The following GRK2 variants were observed in gnomAD, a reference collection of about 807,000 sequenced individuals.
GRK2 encodes G protein-coupled receptor kinase 2, also known as adrenergic beta receptor kinase 1.
Under a neutral mutation model 97.8 loss-of-function variants are expected in GRK2, and 23 were observed. That is an observed-to-expected ratio of 0.24 (90% CI 0.17 to 0.33). The LOEUF is 0.33. Ranked by LOEUF, GRK2 falls within the 10% of genes least tolerant of loss-of-function variation. GRK2 has a pLI of 1.00. For missense variants in GRK2, 633 were observed against 956.9 expected, an observed-to-expected ratio of 0.66 and a Z score of 4.47; for synonymous variants, 425 against 381.7, an observed-to-expected ratio of 1.11 and a Z score of -1.32.
Position 67,285,709 on chromosome 11 carries a change from G to A in GRK2, c.*259G>A, listed in dbSNP as rs893873622. 1.2e-5 allele frequency: 6 copies of A among 503,050 alleles called. No homozygotes were observed. The highest frequency in any genetic ancestry group is 6.6e-5 in the East Asian group (2 of 30,130). 31.2% of individuals were successfully genotyped at this position (503,050 alleles called of 1,614,324 possible). A position where few individuals can be genotyped will look rare whatever the true frequency, so the allele number is the denominator to read the frequency against. ...TGTGGGGGAAGAGCACAGCCCTCCC[G>A]CCCCTTCCCCGAGGGATGATGCCAC... On this transcript the variant is annotated 3_prime_UTR_variant, in exon 21 of 21. Coordinates refer to ENST00000308595, the MANE Select transcript of GRK2 (RefSeq NM_001619.5).
At chr11:67,267,278 C>T (rs1335461931) in intron 1 of GRK2, among the ~76,000 whole-genome samples, 3 of 152,244 alleles carry the variant, frequency 2.0e-5, no homozygotes, top group African/African-American at 7.2e-5. Context: ...TTTGCTGTCC[C>T]TGCTCACGGC....
chr11:67,274,649 C>T (rs1321878901), intron 1 of GRK2, among the ~76,000 whole-genome samples: 5 of 151,690 alleles, frequency 3.3e-5, no homozygotes, highest in East Asian at 3.9e-4. Flanking sequence ...CCCTGAGGGT[C>T]GCCCAGGGCC....
At chr11:67,279,117 G>C in intron 2 of GRK2, 83 bp from the exon 3 acceptor site, 1 of 1,240,046 alleles carries the variant, frequency 8.1e-7, no homozygotes, top group Non-Finnish European at 1.2e-6. Flanking sequence ...GTTCTGCCCA[G>C]GGAGCCCAAC....
At chr11:67,267,327 C>T (rs942758462) in intron 1 of GRK2, among the ~76,000 whole-genome samples, 1 of 152,262 alleles carries the variant, frequency 6.6e-6, no homozygotes, top group Non-Finnish European at 1.5e-5. Flanking sequence ...CCCGTCTCTC[C>T]TCCAGTCTAC....
At chr11:67,280,929 G>C (rs547357530) in intron 7 of GRK2, 146 bp downstream of exon 7, 1 of 1,162,422 alleles carries the variant, frequency 8.6e-7, no homozygotes, top group Admixed American at 1.8e-5. Flanking sequence ...GTCAGGGCCG[G>C]GATCCCAGCA....
intron 6 of GRK2, 91 bp downstream of exon 6, chr11:67,279,991 C>T: frequency 7.5e-7 from 1 of 1,330,640 alleles, no homozygotes; most frequent in Non-Finnish European, 1.1e-6. Context: ...AGCCAGCCTT[C>T]ATTAGGCCCT....
In GRK2 at chr11:67,282,732, T is replaced by C. The variant is rs1200764061; in HGVS notation, c.1161-20T>C. ...CCCATTCCTGTCCTTTGACATTGGT[T>C]TTTGGCCTTTCTTGCCCAGGCACAG... is the stretch of plus-strand genomic sequence containing the variant. On this transcript the variant is annotated intron_variant, in intron 13 of 20. Transcript: ENST00000308595. The surrounding 1 kb of genome is among the most constrained non-coding windows in gnomAD (Gnocchi z 6.9). The C allele has an allele frequency of 3.7e-6, 6 of 1,610,900 alleles. No homozygotes were observed. The highest frequency in any genetic ancestry group is 5.1e-6 in the Non-Finnish European group (6 of 1,179,338).
At chr11:67,280,124 G>GCC (rs1317757724) in intron 6 of GRK2, 1 of 578,902 alleles carries the variant, frequency 1.7e-6, no homozygotes, top group Non-Finnish European at 3.1e-6. Context: ...CCCATCCCAG[G>GCC]CAGTCTCCTA....
rs375195634 is a variant in GRK2, at chr11:67,282,773, C to A, written c.1182C>A (p.His394Gln). ...CCAGGCACAGCCCCTTCCGGCAGCA[C>A]AAGACCAAAGACAAGCATGAGATCG... The part of the protein sequence containing the change: ...LLRGHSPFRQ[H>Q]KTKDKHEIDR... Residue 394 changes from histidine to glutamine, a missense_variant, in exon 14 of 21, where the codon CAC becomes CAA. By Grantham distance (24) the His-to-Gln change is conservative (BLOSUM62 0). Coordinates refer to ENST00000308595, the MANE Select transcript of GRK2 (RefSeq NM_001619.5). The surrounding 1 kb of genome is among the most constrained non-coding windows in gnomAD (Gnocchi z 6.9). 6.2e-7 allele frequency: 1 copy of A among 1,611,312 alleles called. No homozygotes were observed. The highest frequency in any genetic ancestry group is 8.5e-7 in the Non-Finnish European group (1 of 1,179,854).
chr11:67,277,549 C>T (rs895838169), intron 2 of GRK2, among the ~76,000 whole-genome samples: 2 of 152,226 alleles, frequency 1.3e-5, no homozygotes, highest in Non-Finnish European at 2.9e-5. Flanking sequence ...CAGGGAGCCC[C>T]GTGGTGGGGG....
intron 2 of GRK2, among the ~76,000 whole-genome samples, chr11:67,277,710 T>A (rs1447724606): frequency 6.6e-6 from 1 of 152,246 alleles, no homozygotes; most frequent in Non-Finnish European, 1.5e-5. Flanking sequence ...CTGTGGCGCC[T>A]GCCGAGCTGT....
chr11:67,278,858 G>C (rs1290200852), intron 2 of GRK2, among the ~76,000 whole-genome samples: 1 of 152,212 alleles, frequency 6.6e-6, no homozygotes, highest in Non-Finnish European at 1.5e-5. Context: ...AGGGCCCTGG[G>C]CTGCAGTGAG....
At position 67,286,422 on chromosome 11, in the gene GRK2, T is replaced by TCCC; in HGVS notation, c.*977_*979dup. On this transcript the variant is annotated 3_prime_UTR_variant, in exon 21 of 21. Coordinates refer to ENST00000308595, the MANE Select transcript of GRK2 (RefSeq NM_001619.5). ...GCTGCCTGTGTGGTGTCGCGCCTTC[T>TCCC]CCCCCCCGGGGCTGGGTTGGCGCAC... 1 of 698,762 alleles carries TCCC rather than the reference T, an allele frequency of 1.4e-6. No homozygotes were observed. The highest frequency in any genetic ancestry group is 2.0e-5 in the Admixed American group (1 of 49,156). The allele number at this position is 698,762 out of a possible 1,614,324, so 43.3% of individuals were successfully genotyped here. A position where few individuals can be genotyped will look rare whatever the true frequency, so the allele number is the denominator to read the frequency against.
At chr11:67,275,115 C>T (rs955107979) in intron 1 of GRK2, among the ~76,000 whole-genome samples, 3 of 152,176 alleles carry the variant, frequency 2.0e-5, no homozygotes, top group Non-Finnish European at 4.4e-5. Context: ...CAGGGGGTCG[C>T]GGCCTTGGAA....
rs559890842 is a variant in GRK2, at chr11:67,280,192, A to T, written c.503+292A>T. On this transcript the variant is annotated intron_variant, in intron 6 of 20. Transcript: ENST00000308595. ...TGCCTCTTTCTCTCCCGTGGGCTGT[A>T]TAGCACCTTGCTGGCCCACCTGGAC... 16 of 483,416 alleles carry T rather than the reference A, an allele frequency of 3.3e-5. No individual in the cohort carries two copies. In the East Asian group the frequency reaches 5.0e-4, roughly 15 times the overall value. The allele number at this position is 483,416 out of a possible 1,614,324, so 29.9% of individuals were successfully genotyped here.
Position 67,282,761 on chromosome 11 carries a change from C to A in GRK2, c.1170C>A (p.Pro390=). Residue 390 remains proline, a synonymous_variant, in exon 14 of 21, where the codon CCC becomes CCA. Transcript: ENST00000308595. This position sits in a 1 kb window ranked among gnomAD's most constrained non-coding sequence, Gnocchi z 6.9. The part of the protein sequence containing the change: ...MLFKLLRGHS[P]FRQHKTKDKH... ...GGCCTTTCTTGCCCAGGCACAGCCC[C>A]TTCCGGCAGCACAAGACCAAAGACA... is the stretch of plus-strand genomic sequence containing the variant. 6.2e-7 allele frequency: 1 copy of A among 1,611,576 alleles called. No individual in the cohort carries two copies. The highest frequency in any genetic ancestry group is 8.5e-7 in the Non-Finnish European group (1 of 1,179,794).
In GRK2 at chr11:67,281,373, T is replaced by A; in HGVS notation, c.648-86T>A. ...ATTTGTGTCACACGCTGGTCCTGGGTCTAGTCTTTCCCTCAAGCGCCCCCT... is the reference window on the plus strand; with the variant it reads ...ATTTGTGTCACACGCTGGTCCTGGGACTAGTCTTTCCCTCAAGCGCCCCCT... On this transcript the variant is annotated intron_variant, in intron 8 of 20. Transcript: ENST00000308595. This position sits in a 1 kb window ranked among gnomAD's most constrained non-coding sequence, Gnocchi z 5.7. The A allele has an allele frequency of 7.6e-7, 1 of 1,308,128 alleles. No homozygotes were observed. The highest frequency in any genetic ancestry group is 1.1e-6 in the Non-Finnish European group (1 of 914,770). 81.0% of individuals were successfully genotyped at this position (1,308,128 alleles called of 1,614,324 possible).
chr11:67,279,611 C>T lies in GRK2; in HGVS notation c.367-15C>T. 1.2e-6 allele frequency: 2 copies of T among 1,613,306 alleles called. No homozygotes were observed. The highest frequency in any genetic ancestry group is 1.7e-6 in the Non-Finnish European group (2 of 1,179,904). ...GACCCTGCTGAGAATTCATGGCCAC[C>T]TCTGTCTTCCCCAGCCCTTCTCGAA... On this transcript the variant is annotated splice_polypyrimidine_tract_variant and intron_variant, in intron 4 of 20. Transcript: ENST00000308595.
In GRK2 at chr11:67,269,787, T is replaced by C. The variant is rs931914674; in HGVS notation, c.113+2975T>C. Among the ~76,000 whole-genome samples the C allele has an allele frequency of 3.9e-5, 6 of 152,190 alleles. No homozygotes were observed. The highest frequency in any genetic ancestry group is 1.4e-4 in the African/African-American group (6 of 41,430). The stretch of plus-strand genomic sequence containing the variant: ...GTGGCCCACCTTGGCAGCCCCTCCA[T>C]GGCTGGTGCCTGGGGATGTGTCTTG... On this transcript the variant is annotated intron_variant, in intron 1 of 20. Transcript: ENST00000308595. The surrounding 1 kb of genome is among the most constrained non-coding windows in gnomAD (Gnocchi z 4.1).
Sources: gnomAD v4.1 joint callset for allele counts (sites outside exome capture counted in the v4.1 genomes callset) on GRCh38, gnomAD v4.1.1 for gene constraint, Gnocchi (gnomAD v3.1) non-coding constraint, MANE v1.5 for transcripts, NCBI Gene and HGNC (gene_info 2026-07-23, HGNC 2026-07-21) for gene names.